ZFHX3: variants seen among roughly 807,000 people sequenced by gnomAD.
The protein encoded by ZFHX3 is zinc finger homeobox 3, also known as zinc finger homeobox protein 3.
Under a neutral mutation model 279.1 loss-of-function variants are expected in ZFHX3, and 42 were observed. The observed-to-expected ratio is 0.15, with a 90% CI of 0.12 to 0.19. The LOEUF (loss-of-function observed/expected upper bound fraction) is 0.19, where lower values mean the gene tolerates loss of function less well. ZFHX3 is among the 10% of genes least tolerant of loss of function. ZFHX3 has a pLI of 1.00. For missense variants in ZFHX3, 4,981 were observed against 4,754.0 expected, an observed-to-expected ratio of 1.05 and a Z score of -1.40; for synonymous variants, 2,293 against 1,957.8, an observed-to-expected ratio of 1.17 and a Z score of -4.52.
intron 1 of ZFHX3, among the ~76,000 whole-genome samples, chr16:73,883,512 A>G (rs1225159292): frequency 1.3e-5 from 2 of 152,100 alleles, no homozygotes; most frequent in Non-Finnish European, 2.9e-5. Flanking sequence ...ATCAGTTGCT[A>G]CAGACAACAA....
Position 72,795,125 on chromosome 16 carries a change from C to G in ZFHX3, c.7557G>C (p.Gln2519His), listed in dbSNP as rs2035854953. 6.2e-7 allele frequency: 1 copy of G among 1,613,210 alleles called. No individual in the cohort carries two copies. Among genetic ancestry groups the G allele is most frequent in the Non-Finnish European group, 8.5e-7 (1 of 1,179,934 alleles). Residue 2519 changes from glutamine (Q) to histidine (H), a missense_variant, in exon 9 of 10, where the codon CAG becomes CAC. Physicochemically the swap from Gln to His is conservative, Grantham distance 24 (BLOSUM62 0). Transcript: ENST00000268489. ...LKPLHTSTPQ[Q>H]LANLPPQLIP... The stretch of plus-strand genomic sequence containing the variant: ...TTAGCTGAGGAGGTAGGTTTGCGAG[C>G]TGTTGAGGAGTTGATGTGTGGAGGG...
At chr16:73,134,907 C>T (rs1471741521) in intron 6 of ZFHX3, among the ~76,000 whole-genome samples, 1 of 151,968 alleles carries the variant, frequency 6.6e-6, no homozygotes, top group East Asian at 1.9e-4. Flanking sequence ...TGAAGTCAGG[C>T]CCAAGCAGCA....
chr16:73,240,873 C>T (rs116745753), intron 5 of ZFHX3, among the ~76,000 whole-genome samples: 2,494 of 152,294 alleles, frequency 0.016, 74 homozygotes, highest in African/African-American at 0.055. Flanking sequence ...AAAGGATCAT[C>T]AAACTCACAG....
intron 3 of ZFHX3, among the ~76,000 whole-genome samples, chr16:73,337,764 G>T (rs1025508038): frequency 7.9e-5 from 12 of 151,620 alleles, no homozygotes; most frequent in African/African-American, 2.9e-4. Context: ...CCTGGACCTT[G>T]TCATCACCAG....
At chr16:73,403,652 G>C (rs1567473255) in intron 3 of ZFHX3, among the ~76,000 whole-genome samples, 1 of 152,216 alleles carries the variant, frequency 6.6e-6, no homozygotes, top group South Asian at 2.1e-4. Flanking sequence ...GGAAAACTAA[G>C]AAAGGGTCTG....
intron 4 of ZFHX3, among the ~76,000 whole-genome samples, chr16:73,279,609 C>T (rs986047252): frequency 3.9e-5 from 6 of 152,012 alleles, no homozygotes; most frequent in African/African-American, 7.2e-5. Flanking sequence ...AAAGGCAATC[C>T]GGTCTTTTCG....
At chr16:73,422,501 T>C (rs1250197344) in intron 3 of ZFHX3, among the ~76,000 whole-genome samples, 1 of 152,196 alleles carries the variant, frequency 6.6e-6, no homozygotes, top group African/African-American at 2.4e-5. Context: ...GATTTCATAG[T>C]TAACAAAGAA....
At chr16:72,885,008 G>A (rs896029424) in intron 4 of ZFHX3, among the ~76,000 whole-genome samples, 3 of 152,228 alleles carry the variant, frequency 2.0e-5, no homozygotes, top group African/African-American at 7.2e-5. Context: ...AAAATAAATT[G>A]TGGGGATTGG....
At chr16:73,270,969 C>T (rs896144551) in intron 4 of ZFHX3, among the ~76,000 whole-genome samples, 1 of 152,184 alleles carries the variant, frequency 6.6e-6, no homozygotes, top group Non-Finnish European at 1.5e-5. Flanking sequence ...TAAAGCAATA[C>T]TAAGCATGGA....
In ZFHX3 at chr16:72,795,336, T is replaced by A; in HGVS notation, c.7346A>T (p.Gln2449Leu). Residue 2449 changes from glutamine (Q) to leucine (L), a missense_variant, in exon 9 of 10, where the codon CAA becomes CTA. By Grantham distance (113) the Gln-to-Leu change is moderately radical (BLOSUM62 -2). This residue lies in a region of ZFHX3 where 744 missense variants were observed against 701.3 expected (regional missense o/e 1.06). Coordinates refer to ENST00000268489, the MANE Select transcript of ZFHX3 (RefSeq NM_006885.4). The stretch of plus-strand genomic sequence containing the variant: ...TTGCTGCTGCAGCTCTGGCTTTGGT[T>A]GTCCTTGCTTTTCTTGGGTTTGGTT... ...QPNQTQEKQG[Q>L]PKPELQQQEQ... 1 of 1,614,110 alleles carries A rather than the reference T, an allele frequency of 6.2e-7. No individual in the cohort carries two copies. The highest frequency in any genetic ancestry group is 8.5e-7 in the Non-Finnish European group (1 of 1,180,012).
chr16:73,568,180 G>A lies in ZFHX3; in HGVS notation c.-1546-111922C>T, dbSNP rs1026842440. Among the ~76,000 whole-genome samples, 10 of 152,078 alleles carry A rather than the reference G, an allele frequency of 6.6e-5. No individual in the cohort carries two copies. In the South Asian group the frequency reaches 8.3e-4, roughly 13 times the overall value. On this transcript the variant is annotated intron_variant, in intron 2 of 17. Coordinates refer to the ZFHX3 transcript ENST00000641206. ...TTTTTAAGTTACTAAATTCCTTTAC[G>A]TTTGTTTTCTTAGGAAAGTGACATT...
At chr16:73,749,701 C>T (rs895273763) in intron 1 of ZFHX3, among the ~76,000 whole-genome samples, 1 of 152,148 alleles carries the variant, frequency 6.6e-6, no homozygotes, top group African/African-American at 2.4e-5. Flanking sequence ...ACCAATGCCA[C>T]GTGCACTGGA....
intron 3 of ZFHX3, among the ~76,000 whole-genome samples, chr16:73,435,725 C>G (rs1243380597): frequency 1.3e-5 from 2 of 152,184 alleles, no homozygotes; most frequent in Non-Finnish European, 2.9e-5. Flanking sequence ...ACCTGCTATC[C>G]TAGAACCAAG....
intron 4 of ZFHX3, among the ~76,000 whole-genome samples, chr16:72,865,151 C>T (rs1054492618): frequency 6.6e-6 from 1 of 152,192 alleles, no homozygotes; most frequent in African/African-American, 2.4e-5. Flanking sequence ...GAGGCTTTCA[C>T]TTTCTTAAGA....
At chr16:73,808,413 G>A (rs936226199) in intron 1 of ZFHX3, 1 of 152,200 alleles carries the variant, frequency 6.6e-6, no homozygotes, top group East Asian at 1.9e-4. Flanking sequence ...AGATTGATGT[G>A]TTAGAAAGCC....
chr16:73,694,978 T>C lies in ZFHX3; in HGVS notation c.-1607-14738A>G, dbSNP rs946161472. Among the ~76,000 whole-genome samples, 12 of 152,350 alleles carry C rather than the reference T, an allele frequency of 7.9e-5. No homozygotes were observed. The South Asian group carries it at 1.9e-3, about 24-fold the overall frequency. Reference sequence around the variant, plus strand: ...CAAGTACTCCACTAAGCTGAGGCAGTTGAGAGCCACGGTGTGGCTAACTCC... The same window carrying C: ...CAAGTACTCCACTAAGCTGAGGCAGCTGAGAGCCACGGTGTGGCTAACTCC... On this transcript the variant is annotated intron_variant, in intron 1 of 17. Transcript: ENST00000641206.
In ZFHX3 at chr16:73,634,297, A is replaced by G. The variant is rs1014064781; in HGVS notation, c.-1547+45883T>C. 5.9e-5 allele frequency among the ~76,000 whole-genome samples: 9 copies of G among 151,906 alleles called. No homozygotes were observed. In the East Asian group the frequency reaches 1.6e-3, roughly 26 times the overall value. ...GGGATGAATTCTACTCCTTTCCCTC[A>G]GAGAAGTTTTCACATATAAGTCGAT... On this transcript the variant is annotated intron_variant, in intron 2 of 17. Transcript: ENST00000641206.
chr16:73,775,017 G>A (rs1232951144), intron 1 of ZFHX3, among the ~76,000 whole-genome samples: 1 of 151,342 alleles, frequency 6.6e-6, no homozygotes, highest in Non-Finnish European at 1.5e-5. Context: ...AGCAGCCATG[G>A]AAATAGTACC....
intron 7 of ZFHX3, among the ~76,000 whole-genome samples, chr16:73,113,638 A>G (rs1966402021): frequency 6.6e-6 from 1 of 152,178 alleles, no homozygotes; most frequent in South Asian, 2.1e-4. Flanking sequence ...ATGCACAGGA[A>G]GGAACATTCT....
Sources: gnomAD v4.1 joint callset for allele counts (sites outside exome capture counted in the v4.1 genomes callset) on GRCh38, gnomAD v4.1.1 for gene constraint, gnomAD v4.1.1 regional missense constraint, MANE v1.5 for transcripts, NCBI Gene and HGNC (gene_info 2026-07-23, HGNC 2026-07-21) for gene names.